Variants in TBC1D5 observed in about 807,000 individuals in gnomAD.
TBC1D5 encodes TBC1 domain family member 5.
TBC1D5 carries 75 observed loss-of-function variants against 100.3 expected under a neutral mutation model. The ratio of observed to expected loss-of-function variants is 0.75; its 90% CI spans 0.62 to 0.91. The LOEUF (loss-of-function observed/expected upper bound fraction) is 0.91, where lower values mean the gene tolerates loss of function less well. TBC1D5 is among the 40% of genes least tolerant of loss of function. The pLI is 0.00. For synonymous variants in TBC1D5, 323 were observed against 325.6 expected, an observed-to-expected ratio of 0.99 and a Z score of 0.09; for missense variants, 910 against 942.4, an observed-to-expected ratio of 0.97 and a Z score of 0.45.
chr3:17,413,015 C>A (rs1392153725), intron 4 of TBC1D5, among the ~76,000 whole-genome samples: 1 of 152,138 alleles, frequency 6.6e-6, no homozygotes, highest in African/African-American at 2.4e-5. Context: ...AAGTTAACAA[C>A]AGTCCCTGTG....
At chr3:17,723,037 T>C (rs1222298678) in intron 1 of TBC1D5, among the ~76,000 whole-genome samples, 3 of 152,150 alleles carry the variant, frequency 2.0e-5, no homozygotes, top group Admixed American at 2.0e-4. Context: ...TGGGGTGAAA[T>C]TGGTCATTCA....
chr3:17,740,809 T>C (rs541932755), exon 1 of TBC1D5: 11 of 152,326 alleles, frequency 7.2e-5, no homozygotes, highest in African/African-American at 2.6e-4. Context: ...TTTTCGCCTA[T>C]ATGTTGATAA....
At chr3:17,591,237 A>AAG (rs1560227625) in intron 2 of TBC1D5, among the ~76,000 whole-genome samples, 5 of 97,896 alleles carry the variant, frequency 5.1e-5, no homozygotes, top group Non-Finnish European at 7.4e-5. Flanking sequence ...ATCTGTCAAA[A>AAG]AAAAAAAAAA....
chr3:17,312,865 T>A (rs1299647438), intron 13 of TBC1D5, among the ~76,000 whole-genome samples: 1 of 152,176 alleles, frequency 6.6e-6, no homozygotes, highest in Non-Finnish European at 1.5e-5. Flanking sequence ...TTTAAGATGA[T>A]CATGAACATG....
At chr3:17,218,656 T>C (rs1389010473) in intron 17 of TBC1D5, among the ~76,000 whole-genome samples, 1 of 151,976 alleles carries the variant, frequency 6.6e-6, no homozygotes, top group Non-Finnish European at 1.5e-5. Flanking sequence ...CTTTCCTTTT[T>C]GAAGGATAGT....
chr3:17,727,516 C>G (rs912669917), intron 1 of TBC1D5, among the ~76,000 whole-genome samples: 1 of 152,106 alleles, frequency 6.6e-6, no homozygotes, highest in Non-Finnish European at 1.5e-5. Context: ...ATAACAAAAG[C>G]AGAAATCACC....
At chr3:17,738,344 C>G (rs1292567136) in intron 1 of TBC1D5, among the ~76,000 whole-genome samples, 1 of 152,004 alleles carries the variant, frequency 6.6e-6, no homozygotes, top group Non-Finnish European at 1.5e-5. Context: ...CTATCACTTA[C>G]GTGATAGCAT....
intron 4 of TBC1D5, among the ~76,000 whole-genome samples, chr3:17,416,821 G>T (rs6792443): frequency 0.5 from 75,199 of 151,894 alleles, 20,175 homozygotes; most frequent in African/African-American, 0.68. Context: ...GTGATGACAG[G>T]GTCATTTCTA....
intron 9 of TBC1D5, among the ~76,000 whole-genome samples, chr3:17,382,301 G>C (rs533478013): frequency 2.6e-5 from 4 of 151,916 alleles, no homozygotes; most frequent in South Asian, 2.1e-4. Flanking sequence ...GGTGAGATTC[G>C]AACAAAGGAA....
At chr3:17,303,476 C>T (rs145612398) in intron 14 of TBC1D5, among the ~76,000 whole-genome samples, 1 of 152,242 alleles carries the variant, frequency 6.6e-6, no homozygotes, top group African/African-American at 2.4e-5. Flanking sequence ...TTTCCTTCTA[C>T]GCCTTTTCCT....
At chr3:17,280,930 A>G (rs1247459554) in intron 15 of TBC1D5, among the ~76,000 whole-genome samples, 3 of 152,200 alleles carry the variant, frequency 2.0e-5, no homozygotes, top group Non-Finnish European at 4.4e-5. Context: ...TAGATGCTGC[A>G]GTGGGGCCCG....
intron 2 of TBC1D5, among the ~76,000 whole-genome samples, chr3:17,528,421 T>C (rs567212338): frequency 1.3e-5 from 2 of 152,288 alleles, no homozygotes; most frequent in Admixed American, 1.3e-4. Context: ...AGGTACCATC[T>C]TGGAAGCAGA....
At chr3:17,347,341 G>C (rs2090027440) in intron 13 of TBC1D5, among the ~76,000 whole-genome samples, 1 of 152,112 alleles carries the variant, frequency 6.6e-6, no homozygotes, top group Non-Finnish European at 1.5e-5. Context: ...ATTTGGTTTA[G>C]TCTGTCTTAA....
At chr3:17,663,536 A>ATTTCTC (rs1445264759) in intron 1 of TBC1D5, among the ~76,000 whole-genome samples, 2 of 152,192 alleles carry the variant, frequency 1.3e-5, no homozygotes, top group African/African-American at 2.4e-5. Flanking sequence ...CTCTTATAAA[A>ATTTCTC]TTAGCAGAGA....
In TBC1D5 at chr3:17,492,952, T is replaced by C. The variant is rs140426500; in HGVS notation, c.97+15522A>G. 2.6e-5 allele frequency among the ~76,000 whole-genome samples: 4 copies of C among 152,328 alleles called. No individual in the cohort carries two copies. The East Asian group carries it at 7.7e-4, about 29-fold the overall frequency. On this transcript the variant is annotated intron_variant, in intron 3 of 21. Transcript: ENST00000253692. Reference sequence around the variant, plus strand: ...CCATTTACATTTAAGATTAATATTGTTATGTGTGGATTTGATCCTGTCATC... The same window carrying C: ...CCATTTACATTTAAGATTAATATTGCTATGTGTGGATTTGATCCTGTCATC...
chr3:17,315,614 T>C (rs1339024729), intron 13 of TBC1D5, among the ~76,000 whole-genome samples: 1 of 152,234 alleles, frequency 6.6e-6, no homozygotes, highest in African/African-American at 2.4e-5. Flanking sequence ...TCTCCAGTGA[T>C]ATTACTATCA....
chr3:17,185,629 C>T (rs1210860329), intron 18 of TBC1D5, among the ~76,000 whole-genome samples: 2 of 151,572 alleles, frequency 1.3e-5, no homozygotes, highest in Non-Finnish European at 2.9e-5. Flanking sequence ...GTTTTTTTCA[C>T]ACATTTGAGA....
At position 17,244,380 on chromosome 3, in the gene TBC1D5, G is replaced by T. The variant is rs2076554328; in HGVS notation, c.1332-5961C>A. On this transcript the variant is annotated intron_variant, in intron 16 of 21. Coordinates refer to ENST00000253692, the Ensembl canonical transcript of TBC1D5. ...GGCTTGTATACTAGTATAGGACCTT[G>T]AGAAATGCCAGTCAAACCCCATCTC... is the stretch of plus-strand genomic sequence containing the variant. Among the ~76,000 whole-genome samples, 3 of 152,276 alleles carry T rather than the reference G, an allele frequency of 2.0e-5. No individual in the cohort carries two copies. The South Asian group carries it at 6.2e-4, about 32-fold the overall frequency.
At chr3:17,359,826 C>T (rs541862777) in intron 13 of TBC1D5, among the ~76,000 whole-genome samples, 1 of 151,922 alleles carries the variant, frequency 6.6e-6, no homozygotes, top group African/African-American at 2.4e-5. Flanking sequence ...TTCAATTTGC[C>T]TCTAGGTTAC....
Sources: gnomAD v4.1 joint callset for allele counts (sites outside exome capture counted in the v4.1 genomes callset) on GRCh38, gnomAD v4.1.1 for gene constraint, MANE v1.5 for transcripts, NCBI Gene and HGNC (gene_info 2026-07-23, HGNC 2026-07-21) for gene names.